Variants in GPR158 observed in about 807,000 individuals in gnomAD.
GPR158 encodes G protein-coupled receptor 158, also known as metabotropic glycine receptor.
A neutral mutation model predicts 78.2 loss-of-function variants in GPR158; 30 were observed. The observed-to-expected ratio is 0.38, with a 90% CI of 0.29 to 0.52. The LOEUF is 0.52. Ranked by LOEUF, GPR158 falls within the 20% of genes least tolerant of loss-of-function variation. GPR158 has a pLI of 0.83. For synonymous variants in GPR158, 581 were observed against 591.1 expected, an observed-to-expected ratio of 0.98 and a Z score of 0.25; for missense variants, 1,463 against 1,523.5, an observed-to-expected ratio of 0.96 and a Z score of 0.66.
chr10:25,589,908 A>C (rs1320583573), intron 8 of GPR158, among the ~76,000 whole-genome samples: 1 of 152,238 alleles, frequency 6.6e-6, no homozygotes, highest in Non-Finnish European at 1.5e-5. Context: ...AGCAACAAAA[A>C]GATGTCATTC....
chr10:25,436,811 A>G (rs1328467159), intron 4 of GPR158, among the ~76,000 whole-genome samples: 1 of 152,218 alleles, frequency 6.6e-6, no homozygotes, highest in African/African-American at 2.4e-5. Context: ...TGTTGACTAG[A>G]CAGTGACAGT....
intron 2 of GPR158, among the ~76,000 whole-genome samples, chr10:25,254,041 G>C (rs1009835167): frequency 6.6e-6 from 1 of 152,156 alleles, no homozygotes; most frequent in Non-Finnish European, 1.5e-5. Context: ...CAAGAGCTTT[G>C]ACTATTGTAT....
At chr10:25,411,555 T>C (rs1834584486) in intron 3 of GPR158, among the ~76,000 whole-genome samples, 1 of 152,176 alleles carries the variant, frequency 6.6e-6, no homozygotes, top group Admixed American at 6.5e-5. Context: ...ATCAACTTTC[T>C]TATTCCTACT....
At chr10:25,232,030 C>G (rs1028304323) in intron 2 of GPR158, among the ~76,000 whole-genome samples, 1 of 152,082 alleles carries the variant, frequency 6.6e-6, no homozygotes, top group African/African-American at 2.4e-5. Context: ...AAGTACCAGA[C>G]TTTCTTGATC....
At chr10:25,423,774 C>T (rs542405775) in intron 4 of GPR158, among the ~76,000 whole-genome samples, 3 of 152,232 alleles carry the variant, frequency 2.0e-5, no homozygotes, top group East Asian at 1.9e-4. Context: ...TTTCTTAATC[C>T]AGTCTATCAT....
At chr10:25,305,190 A>G (rs1230785800) in intron 2 of GPR158, among the ~76,000 whole-genome samples, 1 of 152,204 alleles carries the variant, frequency 6.6e-6, no homozygotes, top group Admixed American at 6.5e-5. Context: ...TCACATTGTT[A>G]TATGTCAGAA....
At chr10:25,238,340 A>G (rs1853555873) in intron 2 of GPR158, among the ~76,000 whole-genome samples, 2 of 152,372 alleles carry the variant, frequency 1.3e-5, no homozygotes, top group South Asian at 2.1e-4. Context: ...ATTAGACCGC[A>G]TAATACCTGG....
intron 5 of GPR158, among the ~76,000 whole-genome samples, chr10:25,470,748 A>T (rs975915365): frequency 6.6e-6 from 1 of 152,192 alleles, no homozygotes; most frequent in African/African-American, 2.4e-5. Flanking sequence ...CCTAGGGCAG[A>T]TATTTAACCA....
chr10:25,326,871 G>A (rs765757075), intron 2 of GPR158, among the ~76,000 whole-genome samples: 2 of 152,074 alleles, frequency 1.3e-5, no homozygotes, highest in Non-Finnish European at 2.9e-5. Flanking sequence ...GGTCACTGAC[G>A]ATTATTTGAC....
chr10:25,240,363 G>A (rs1853586879), intron 2 of GPR158, among the ~76,000 whole-genome samples: 1 of 152,170 alleles, frequency 6.6e-6, no homozygotes. Flanking sequence ...ACAAAAATTA[G>A]CTAGGCATGG....
At chr10:25,230,128 A>G (rs1031263878) in intron 2 of GPR158, among the ~76,000 whole-genome samples, 2 of 152,254 alleles carry the variant, frequency 1.3e-5, no homozygotes, top group Non-Finnish European at 2.9e-5. Flanking sequence ...AGTGACTAAA[A>G]AGATATTGCG....
intron 4 of GPR158, among the ~76,000 whole-genome samples, chr10:25,419,521 A>AT (rs1205518999): frequency 1.3e-5 from 2 of 152,174 alleles, no homozygotes; most frequent in Non-Finnish European, 2.9e-5. Context: ...TAGTAATGGA[A>AT]TTGCTGGATC....
intron 2 of GPR158, among the ~76,000 whole-genome samples, chr10:25,314,767 G>GTA (rs1374002288): frequency 1.4e-5 from 2 of 146,678 alleles, no homozygotes; most frequent in East Asian, 4.0e-4. Context: ...ACTATAAATT[G>GTA]TATATATATA....
intron 2 of GPR158, among the ~76,000 whole-genome samples, chr10:25,294,021 G>T (rs553581666): frequency 1.1e-4 from 17 of 152,248 alleles, no homozygotes; most frequent in African/African-American, 3.9e-4. Flanking sequence ...CGGGATTACA[G>T]GCCTGAGCCA....
chr10:25,435,260 A>G (rs1834983307), intron 4 of GPR158, among the ~76,000 whole-genome samples: 1 of 152,162 alleles, frequency 6.6e-6, no homozygotes. Flanking sequence ...TATATAAATT[A>G]ATATAAATAA....
At chr10:25,504,732 A>G (rs944621345) in intron 5 of GPR158, among the ~76,000 whole-genome samples, 3 of 152,192 alleles carry the variant, frequency 2.0e-5, no homozygotes, top group Non-Finnish European at 4.4e-5. Context: ...TAACCGTTTT[A>G]TCACAGCTGA....
intron 4 of GPR158, among the ~76,000 whole-genome samples, chr10:25,413,417 T>C (rs1834619235): frequency 6.6e-6 from 1 of 152,144 alleles, no homozygotes; most frequent in African/African-American, 2.4e-5. Context: ...GACAAAGCTT[T>C]TGGGGGAGCT....
intron 7 of GPR158, among the ~76,000 whole-genome samples, chr10:25,573,796 ATTTAG>A (rs1009336878): frequency 1.2e-4 from 19 of 152,124 alleles, no homozygotes; most frequent in African/African-American, 4.6e-4. Flanking sequence ...TAAAATGTGT[ATTTAG>A]TTTAGAGTTC....
intron 6 of GPR158, among the ~76,000 whole-genome samples, chr10:25,556,991 T>A (rs1019179850): frequency 6.6e-6 from 1 of 152,224 alleles, no homozygotes; most frequent in African/African-American, 2.4e-5. Flanking sequence ...AGATTTAAGG[T>A]TTCCCTAAGG....
Sources: gnomAD v4.1 joint callset for allele counts (sites outside exome capture counted in the v4.1 genomes callset) on GRCh38, gnomAD v4.1.1 for gene constraint, MANE v1.5 for transcripts, NCBI Gene and HGNC (gene_info 2026-07-23, HGNC 2026-07-21) for gene names.